RETREG1: variants seen among roughly 807,000 people sequenced by gnomAD.
RETREG1 encodes family with sequence similarity 134 member B.
A neutral mutation model predicts 54.8 loss-of-function variants in RETREG1; 44 were observed. The observed-to-expected ratio is 0.80, with a 90% CI of 0.63 to 1.03. The LOEUF is 1.03. RETREG1 is among the 50% of genes least tolerant of loss of function. The pLI, the probability that RETREG1 is intolerant of heterozygous loss-of-function variation, is 0.00. For synonymous variants in RETREG1, 217 were observed against 238.5 expected, an observed-to-expected ratio of 0.91 and a Z score of 0.83; for missense variants, 554 against 605.1, an observed-to-expected ratio of 0.92 and a Z score of 0.89.
chr5:16,544,164 CG>C (rs1309285188), intron 3 of RETREG1, among the ~76,000 whole-genome samples: 2 of 151,756 alleles, frequency 1.3e-5, no homozygotes, highest in Non-Finnish European at 2.9e-5. Flanking sequence ...TTAGTAGAGA[CG>C]GGGTTTTGCC....
At chr5:16,590,979 G>A (rs544898782) in intron 1 of RETREG1, among the ~76,000 whole-genome samples, 1 of 152,102 alleles carries the variant, frequency 6.6e-6, no homozygotes, top group African/African-American at 2.4e-5. Context: ...ACACATATTT[G>A]CTTGCCTCCA....
intron 3 of RETREG1, among the ~76,000 whole-genome samples, chr5:16,545,912 T>C (rs761885430): frequency 6.6e-6 from 1 of 152,156 alleles, no homozygotes; most frequent in African/African-American, 2.4e-5. Context: ...CTGAGCACAG[T>C]CACTCTAGGT....
At chr5:16,571,335 T>A (rs545692971) in intron 2 of RETREG1, among the ~76,000 whole-genome samples, 1 of 152,282 alleles carries the variant, frequency 6.6e-6, no homozygotes, top group East Asian at 1.9e-4. Context: ...TCTGATAAAA[T>A]CTATCTCATT....
chr5:16,600,193 G>A (rs1160007115), intron 1 of RETREG1, among the ~76,000 whole-genome samples: 2 of 152,216 alleles, frequency 1.3e-5, no homozygotes, highest in African/African-American at 2.4e-5. Context: ...TAGAGACAGG[G>A]TTTCGCCATG....
At chr5:16,565,523 T>C (rs1450919551) in intron 3 of RETREG1, among the ~76,000 whole-genome samples, 1 of 152,028 alleles carries the variant, frequency 6.6e-6, no homozygotes, top group Non-Finnish European at 1.5e-5. Context: ...TCACACATGA[T>C]TCTCACAAAT....
At chr5:16,492,367 C>T (rs1257583066) in intron 3 of RETREG1, among the ~76,000 whole-genome samples, 1 of 151,618 alleles carries the variant, frequency 6.6e-6, no homozygotes, top group African/African-American at 2.4e-5. Context: ...CATTATTTCA[C>T]ACTACTCATT....
intron 1 of RETREG1, among the ~76,000 whole-genome samples, chr5:16,609,626 T>C (rs1223047003): frequency 6.6e-6 from 1 of 152,092 alleles, no homozygotes; most frequent in Non-Finnish European, 1.5e-5. Flanking sequence ...ACAGATGAAC[T>C]GAAGCCCGGC....
chr5:16,616,653 AG>A lies in RETREG1; in HGVS notation c.318del (p.Trp107GlyfsTer5). The part of the protein sequence containing the change: ...LLGFVAANLL[F>X]WFLALTPWRV... ...CCCCCACCTTGCCCAAGCTCTCACC[AG>A]AACAGCAGGTTGGCAGCGACGAAGC... is the stretch of plus-strand genomic sequence containing the variant. On this transcript the variant is annotated frameshift_variant and splice_region_variant, in exon 1 of 9. Transcript: ENST00000306320. LOFTEE classifies it high-confidence loss of function. 2 of 1,593,838 alleles carry A rather than the reference AG, an allele frequency of 1.3e-6. No homozygotes were observed. The highest frequency in any genetic ancestry group is 2.2e-5 in the South Asian group (2 of 89,400).
Position 16,474,666 on chromosome 5 carries a change from T to C in RETREG1, c.*75A>G. On this transcript the variant is annotated 3_prime_UTR_variant, in exon 9 of 9. Coordinates refer to ENST00000306320, the MANE Select transcript of RETREG1 (RefSeq NM_001034850.3). Reference sequence around the variant, plus strand: ...AAGCTTACAGTTCAATTTTTTTCTTTTCCTTTTTTTTTTTTTTTTCTTGTT... The same window carrying C: ...AAGCTTACAGTTCAATTTTTTTCTTCTCCTTTTTTTTTTTTTTTTCTTGTT... The C allele has an allele frequency of 1.4e-6, 2 of 1,478,840 alleles. No homozygotes were observed. Among genetic ancestry groups the C allele is most frequent in the Non-Finnish European group, 1.8e-6 (2 of 1,097,232 alleles). The allele number at this position is 1,478,840 out of a possible 1,614,324, so 91.6% of individuals were successfully genotyped here. A position where few individuals can be genotyped will look rare whatever the true frequency, so the allele number is the denominator to read the frequency against.
intron 3 of RETREG1, among the ~76,000 whole-genome samples, chr5:16,499,586 T>C (rs1013128892): frequency 6.6e-6 from 1 of 152,228 alleles, no homozygotes; most frequent in South Asian, 2.1e-4. Context: ...CCAGGCGATG[T>C]CACTTCGAGT....
At chr5:16,539,471 G>T (rs1741175758) in intron 3 of RETREG1, among the ~76,000 whole-genome samples, 1 of 152,088 alleles carries the variant, frequency 6.6e-6, no homozygotes, top group Non-Finnish European at 1.5e-5. Flanking sequence ...TCATAATCCC[G>T]GGCCCGGTCG....
chr5:16,598,051 C>T (rs1742950191), intron 1 of RETREG1, among the ~76,000 whole-genome samples: 1 of 152,030 alleles, frequency 6.6e-6, no homozygotes, highest in African/African-American at 2.4e-5. Context: ...CCTGCCTCAC[C>T]CCCTCCCCTT....
At chr5:16,536,618 C>T (rs935757733) in intron 3 of RETREG1, among the ~76,000 whole-genome samples, 11 of 152,074 alleles carry the variant, frequency 7.2e-5, no homozygotes, top group African/African-American at 2.7e-4. Flanking sequence ...TCTCAACATG[C>T]TGACATTTAT....
At chr5:16,518,109 T>C (rs1175996709) in intron 3 of RETREG1, among the ~76,000 whole-genome samples, 3 of 148,224 alleles carry the variant, frequency 2.0e-5, no homozygotes, top group African/African-American at 4.9e-5. Flanking sequence ...ATATAATCAA[T>C]GTATTTACAT....
intron 3 of RETREG1, among the ~76,000 whole-genome samples, chr5:16,563,361 G>C (rs1741921685): frequency 6.6e-6 from 1 of 152,162 alleles, no homozygotes; most frequent in Non-Finnish European, 1.5e-5. Context: ...GGGTTCAAGA[G>C]ATTCTCCCAC....
chr5:16,488,604 G>A (rs1404063239), intron 3 of RETREG1, among the ~76,000 whole-genome samples: 3 of 152,136 alleles, frequency 2.0e-5, no homozygotes, highest in East Asian at 1.9e-4. Context: ...CGGAGGCCAG[G>A]AAAGAGCCAT....
At chr5:16,566,416 G>A (rs1240275495) in intron 2 of RETREG1, among the ~76,000 whole-genome samples, 2 of 151,920 alleles carry the variant, frequency 1.3e-5, no homozygotes, top group Non-Finnish European at 2.9e-5. Context: ...GATCTAATTT[G>A]CTTTCTTAAT....
At chr5:16,522,687 GTTTTA>G (rs1740573611) in intron 3 of RETREG1, among the ~76,000 whole-genome samples, 1 of 152,058 alleles carries the variant, frequency 6.6e-6, no homozygotes, top group Non-Finnish European at 1.5e-5. Context: ...ACACAAACTT[GTTTTA>G]TTTTAATAAC....
chr5:16,599,256 G>A (rs1742985870), intron 1 of RETREG1, among the ~76,000 whole-genome samples: 3 of 151,940 alleles, frequency 2.0e-5, no homozygotes, highest in South Asian at 4.1e-4. Context: ...AAGAAATGCT[G>A]TAATGAAATG....
Sources: allele counts gnomAD v4.1 joint callset (sites outside exome capture counted in the v4.1 genomes callset), GRCh38; gene constraint gnomAD v4.1.1; transcripts MANE v1.5; gene names NCBI Gene and HGNC (gene_info 2026-07-23, HGNC 2026-07-21).